Variants in SH3BGRL2 observed in about 807,000 individuals in gnomAD.
SH3BGRL2 encodes SH3 domain-binding glutamic acid-rich-like protein 2.
In SH3BGRL2, 21 loss-of-function variants were observed where a neutral mutation model predicts 14.8. That is an observed-to-expected ratio of 1.42 (90% confidence interval 1.01 to 2.05). The LOEUF is 2.05. SH3BGRL2 is among the 30% of genes most tolerant of loss of function. SH3BGRL2 has a pLI of 0.00. For missense variants in SH3BGRL2, 147 were observed against 130.8 expected, an observed-to-expected ratio of 1.12 and a Z score of -0.61; for synonymous variants, 50 against 47.8, an observed-to-expected ratio of 1.05 and a Z score of -0.19.
At chr6:79,646,199 A>G (rs1482277111) in intron 1 of SH3BGRL2, among the ~76,000 whole-genome samples, 1 of 152,216 alleles carries the variant, frequency 6.6e-6, no homozygotes, top group East Asian at 1.9e-4. Context: ...CCTGGTTGAG[A>G]ACCACCACTC....
rs543287881 is a variant in SH3BGRL2 at position 79,657,488 on chromosome 6, G to C, written c.46-16126G>C. ...GTGGTGGAGGAGTTGTAGGGAGAAAGGGCTGTGGAAGACGCTGATTTTAGT... is the reference window on the plus strand; with the variant it reads ...GTGGTGGAGGAGTTGTAGGGAGAAACGGCTGTGGAAGACGCTGATTTTAGT... On this transcript the variant is annotated intron_variant, in intron 1 of 3. Coordinates refer to ENST00000369838, the MANE Select transcript of SH3BGRL2 (RefSeq NM_031469.4). 2.9e-4 allele frequency among the ~76,000 whole-genome samples: 44 copies of C among 152,298 alleles called. No individual in the cohort carries two copies. In the South Asian group the frequency reaches 9.1e-3, roughly 32 times the overall value.
At chr6:79,594,558 A>T in the SH3BGRL2 span, among the ~76,000 whole-genome samples, 4 of 152,040 alleles carry the variant, frequency 2.6e-5, no homozygotes, top group African/African-American at 9.7e-5. Context: ...TGTCAGATCA[A>T]CTGGTGCTCC....
chr6:79,649,415 A>T (rs1769235303), intron 1 of SH3BGRL2, among the ~76,000 whole-genome samples: 1 of 152,222 alleles, frequency 6.6e-6, no homozygotes, highest in South Asian at 2.1e-4. Flanking sequence ...AGTTTAAAAT[A>T]AAATATAATA....
chr6:79,597,908 A>G, the SH3BGRL2 span, among the ~76,000 whole-genome samples: 3 of 152,232 alleles, frequency 2.0e-5, no homozygotes, highest in Admixed American at 6.5e-5. Flanking sequence ...TTACTATTTG[A>G]CAATAAAGAG....
At chr6:79,638,477 G>A (rs754601972) in intron 1 of SH3BGRL2, among the ~76,000 whole-genome samples, 1 of 152,102 alleles carries the variant, frequency 6.6e-6, no homozygotes, top group East Asian at 1.9e-4. Context: ...TAGTGGGATT[G>A]CTGGATCAAA....
At chr6:79,611,891 T>G in the SH3BGRL2 span, among the ~76,000 whole-genome samples, 19 of 152,292 alleles carry the variant, frequency 1.2e-4, no homozygotes, top group Non-Finnish European at 2.6e-4. Context: ...TATGCCTCTC[T>G]TGCTGGTTTT....
Position 79,699,898 on chromosome 6 carries a change from T to C in SH3BGRL2, c.*389T>C, listed in dbSNP as rs1770419219. 4.7e-6 allele frequency: 1 copy of C among 212,990 alleles called. No individual in the cohort carries two copies. The highest frequency in any genetic ancestry group is 2.3e-5 in the African/African-American group (1 of 43,902). The allele number at this position is 212,990 out of a possible 1,614,324, so 13.2% of individuals were successfully genotyped here. A position where few individuals can be genotyped will look rare whatever the true frequency, so the allele number is the denominator to read the frequency against. ...CCCACTTCTCTTTAAGCTGCCTGGA[T>C]TGCACCTTTGAAATATGTCTGCCAA... On this transcript the variant is annotated 3_prime_UTR_variant, in exon 4 of 4. Coordinates refer to ENST00000369838, the MANE Select transcript of SH3BGRL2 (RefSeq NM_031469.4).
At chr6:79,684,488 A>G (rs1424500244) in intron 2 of SH3BGRL2, among the ~76,000 whole-genome samples, 1 of 152,140 alleles carries the variant, frequency 6.6e-6, no homozygotes, top group Non-Finnish European at 1.5e-5. Flanking sequence ...CTAGAAACAC[A>G]GAACATACCT....
the SH3BGRL2 span, among the ~76,000 whole-genome samples, chr6:79,566,933 A>G: frequency 6.6e-6 from 1 of 151,658 alleles, no homozygotes; most frequent in Non-Finnish European, 1.5e-5. Context: ...CAAATTGCTT[A>G]TGAATAAATA....
intron 1 of SH3BGRL2, among the ~76,000 whole-genome samples, chr6:79,653,164 G>T (rs1315009188): frequency 6.6e-6 from 1 of 152,122 alleles, no homozygotes; most frequent in African/African-American, 2.4e-5. Flanking sequence ...CATTGTTTTA[G>T]CAGCAGCTAG....
At chr6:79,622,442 C>T in the SH3BGRL2 span, among the ~76,000 whole-genome samples, 1 of 152,188 alleles carries the variant, frequency 6.6e-6, no homozygotes, top group Non-Finnish European at 1.5e-5. Flanking sequence ...AGTAATGATA[C>T]GTGTTGCAAG....
At chr6:79,565,160 G>T in the SH3BGRL2 span, among the ~76,000 whole-genome samples, 1 of 152,148 alleles carries the variant, frequency 6.6e-6, no homozygotes, top group East Asian at 1.9e-4. Context: ...AGAGAACATA[G>T]GTCACATAAA....
the SH3BGRL2 span, among the ~76,000 whole-genome samples, chr6:79,601,415 C>A: frequency 6.6e-6 from 1 of 152,166 alleles, no homozygotes; most frequent in Non-Finnish European, 1.5e-5. Flanking sequence ...TGGCTGGTCT[C>A]CCACTCCTGG....
At chr6:79,558,894 A>AAAG in the SH3BGRL2 span, among the ~76,000 whole-genome samples, 3 of 152,102 alleles carry the variant, frequency 2.0e-5, no homozygotes, top group African/African-American at 7.2e-5. Context: ...CCAGAAAGTA[A>AAAG]GCAGCACTAA....
chr6:79,547,449 G>T, the SH3BGRL2 span, among the ~76,000 whole-genome samples: 1 of 152,098 alleles, frequency 6.6e-6, no homozygotes, highest in Non-Finnish European at 1.5e-5. Context: ...GACCTGTCTG[G>T]AGGCCACATG....
intron 1 of SH3BGRL2, among the ~76,000 whole-genome samples, chr6:79,652,448 A>G (rs1769315222): frequency 6.6e-6 from 1 of 152,176 alleles, no homozygotes; most frequent in African/African-American, 2.4e-5. Context: ...AGATTGGAAC[A>G]TTAGTATAAG....
the SH3BGRL2 span, among the ~76,000 whole-genome samples, chr6:79,566,086 G>T: frequency 2.0e-5 from 3 of 152,168 alleles, no homozygotes; most frequent in Admixed American, 1.3e-4. Flanking sequence ...AGGATGGAGG[G>T]TAGAGGAGGG....
chr6:79,613,689 T>C, the SH3BGRL2 span, among the ~76,000 whole-genome samples: 3 of 152,208 alleles, frequency 2.0e-5, no homozygotes, highest in South Asian at 2.1e-4. Flanking sequence ...CACTGCAACC[T>C]CCATCTCCTG....
chr6:79,685,017 A>G (rs971495427), intron 2 of SH3BGRL2, among the ~76,000 whole-genome samples: 5 of 152,226 alleles, frequency 3.3e-5, no homozygotes, highest in Admixed American at 2.6e-4. Context: ...AAGCACAGCA[A>G]TGTAATTAGA....
Sources: gnomAD v4.1 joint callset for allele counts (sites outside exome capture counted in the v4.1 genomes callset) on GRCh38, gnomAD v4.1.1 for gene constraint, MANE v1.5 for transcripts, NCBI Gene and HGNC (gene_info 2026-07-23, HGNC 2026-07-21) for gene names.